The following ANTXR2 variants were observed in gnomAD, a reference collection of about 807,000 sequenced individuals.
ANTXR2 encodes anthrax toxin receptor 2.
A neutral mutation model predicts 73.7 loss-of-function variants in ANTXR2; 44 were observed. The observed-to-expected ratio is 0.60, with a 90% CI of 0.47 to 0.77. The LOEUF is 0.77. Among genes scored for constraint, ANTXR2 ranks in the 30% least tolerant of loss-of-function variants. The probability of loss-of-function intolerance (pLI) is 0.00; values close to 1 mark genes in which losing one functional copy is unlikely to be tolerated. For missense variants in ANTXR2, 604 were observed against 592.5 expected, an observed-to-expected ratio of 1.02 and a Z score of -0.20; for synonymous variants, 217 against 205.9, an observed-to-expected ratio of 1.05 and a Z score of -0.46.
intron 8 of ANTXR2, among the ~76,000 whole-genome samples, chr4:80,034,945 G>A (rs1043811644): frequency 1.4e-4 from 21 of 152,208 alleles, no homozygotes; most frequent in African/African-American, 5.1e-4. Context: ...GGGCATTCAA[G>A]TCAGACAGGA....
At chr4:80,025,647 T>C (rs181477919) in intron 10 of ANTXR2, among the ~76,000 whole-genome samples, 210 of 152,306 alleles carry the variant, frequency 1.4e-3, no homozygotes, top group Non-Finnish European at 2.6e-3. Flanking sequence ...TTTTAAAAGA[T>C]AGTTTTATGA....
At chr4:79,946,163 G>A (rs1156349846) in intron 16 of ANTXR2, among the ~76,000 whole-genome samples, 1 of 152,008 alleles carries the variant, frequency 6.6e-6, no homozygotes, top group Non-Finnish European at 1.5e-5. Context: ...AGAAGAAAAG[G>A]AAGTTTAGAA....
At chr4:80,020,245 G>A (rs944086311) in intron 10 of ANTXR2, among the ~76,000 whole-genome samples, 5 of 152,072 alleles carry the variant, frequency 3.3e-5, no homozygotes, top group African/African-American at 1.2e-4. Context: ...AATTAGCCGG[G>A]CATGGTGGCA....
intron 2 of ANTXR2, among the ~76,000 whole-genome samples, chr4:80,070,674 G>A (rs1447787447): frequency 6.6e-6 from 1 of 152,172 alleles, no homozygotes; most frequent in Non-Finnish European, 1.5e-5. Flanking sequence ...TGAAAGCAAG[G>A]ATTGCCTAGG....
chr4:80,004,078 A>G (rs559469297), intron 12 of ANTXR2, among the ~76,000 whole-genome samples: 74 of 152,230 alleles, frequency 4.9e-4, no homozygotes, highest in African/African-American at 1.7e-3. Context: ...ATGCAGCAGT[A>G]AAAACAGAGT....
At chr4:79,910,507 C>CAAAA (rs144527286) in intron 16 of ANTXR2, among the ~76,000 whole-genome samples, 1 of 95,652 alleles carries the variant, frequency 1.0e-5, no homozygotes, top group Admixed American at 1.1e-4. Flanking sequence ...GACTCCGTCT[C>CAAAA]AAAAAAAAAA....
intron 11 of ANTXR2, among the ~76,000 whole-genome samples, chr4:80,011,852 C>T (rs902713602): frequency 2.0e-5 from 3 of 152,248 alleles, no homozygotes; most frequent in Non-Finnish European, 4.4e-5. Context: ...TCCAGTTAAC[C>T]GAGCTGATGT....
intron 8 of ANTXR2, 51 bp from the exon 9 acceptor site, chr4:80,033,621 T>C: frequency 3.7e-6 from 5 of 1,360,004 alleles, no homozygotes; most frequent in Non-Finnish European, 5.0e-6. Context: ...ACCAAAAAAA[T>C]AAAAAACACA....
At position 80,069,525 on chromosome 4, in the gene ANTXR2, A is replaced by C. The variant is rs1385139637; in HGVS notation, c.225-18T>G. 2 of 1,554,028 alleles carry C rather than the reference A, an allele frequency of 1.3e-6. No homozygotes were observed. Among genetic ancestry groups the C allele is most frequent in the Non-Finnish European group, 1.8e-6 (2 of 1,136,550 alleles). On this transcript the variant is annotated intron_variant, in intron 2 of 16. Coordinates refer to ENST00000403729, the MANE Select transcript of ANTXR2 (RefSeq NM_058172.6). ...TTTCAGGGCTGCAAAATAAGAAAAG[A>C]GGCAGTTAAAACATTTTTAAAAAGA...
intron 11 of ANTXR2, among the ~76,000 whole-genome samples, chr4:80,011,794 G>C (rs1731598408): frequency 6.6e-6 from 1 of 152,172 alleles, no homozygotes; most frequent in Non-Finnish European, 1.5e-5. Context: ...TGCTCTGATA[G>C]TGGCTCTGGC....
At chr4:79,932,336 G>T (rs572881906) in intron 16 of ANTXR2, among the ~76,000 whole-genome samples, 1 of 149,678 alleles carries the variant, frequency 6.7e-6, no homozygotes, top group African/African-American at 2.5e-5. Context: ...TACTCTAATT[G>T]GAATGCCCAC....
At chr4:80,015,923 AAAAGGAAAGGAAAGGAAAGG>A (rs1184169438) in intron 11 of ANTXR2, among the ~76,000 whole-genome samples, 738 of 36,938 alleles carry the variant, frequency 0.02, 30 homozygotes, top group African/African-American at 0.061. Context: ...AAGGAAAGGA[AAAAGGAAAGGAAAGGAAAGG>A]AAAGGAAAGG....
At chr4:80,031,515 C>T in intron 10 of ANTXR2, 108 bp downstream of exon 10, 1 of 869,520 alleles carries the variant, frequency 1.2e-6, no homozygotes, top group Non-Finnish European at 1.7e-6. Context: ...CTTTTTAATG[C>T]TCTGTATATC....
rs563069297 is a variant in ANTXR2, at chr4:80,049,811, C to T, written c.636+4461G>A. ...ATTCTACTAATATTTTAATGCTTCC[C>T]AAATTTAACGTTTTACTTCCAGTTT... is the stretch of plus-strand genomic sequence containing the variant. On this transcript the variant is annotated intron_variant, in intron 7 of 16. Transcript: ENST00000403729. Among the ~76,000 whole-genome samples, 136 of 151,832 alleles carry T rather than the reference C, an allele frequency of 9.0e-4. 1 individual carries two copies. Among genetic ancestry groups the T allele is most frequent in the African/African-American group, 3.1e-3 (130 of 41,474 alleles).
intron 11 of ANTXR2, among the ~76,000 whole-genome samples, chr4:80,017,122 A>C (rs556886644): frequency 2.6e-5 from 4 of 152,202 alleles, no homozygotes; most frequent in Non-Finnish European, 4.4e-5. Flanking sequence ...GGTCCTGACA[A>C]TAACTATACA....
intron 16 of ANTXR2, among the ~76,000 whole-genome samples, chr4:79,963,295 GC>G (rs1357146290): frequency 6.6e-6 from 1 of 152,110 alleles, no homozygotes; most frequent in Non-Finnish European, 1.5e-5. Flanking sequence ...CAAAGCCTTT[GC>G]CTTTGACGTT....
chr4:80,000,244 C>A (rs1359513226), intron 12 of ANTXR2, among the ~76,000 whole-genome samples: 1 of 151,790 alleles, frequency 6.6e-6, no homozygotes, highest in East Asian at 1.9e-4. Context: ...GGCCACATTT[C>A]CCATTGTATA....
At chr4:80,011,567 A>G (rs966166148) in intron 11 of ANTXR2, among the ~76,000 whole-genome samples, 1 of 152,188 alleles carries the variant, frequency 6.6e-6, no homozygotes, top group Non-Finnish European at 1.5e-5. Flanking sequence ...AGGCATGCCT[A>G]TGTAAAACTG....
intron 7 of ANTXR2, among the ~76,000 whole-genome samples, chr4:80,050,981 C>T (rs1286010687): frequency 6.6e-6 from 1 of 151,602 alleles, no homozygotes; most frequent in African/African-American, 2.4e-5. Flanking sequence ...TGTTTATCCC[C>T]CATACCTCCC....
Sources: allele counts gnomAD v4.1 joint callset (sites outside exome capture counted in the v4.1 genomes callset), GRCh38; gene constraint gnomAD v4.1.1; transcripts MANE v1.5; gene names NCBI Gene and HGNC (gene_info 2026-07-23, HGNC 2026-07-21).